The following NRXN1 variants were observed in gnomAD, a reference collection of about 807,000 sequenced individuals.
The protein encoded by NRXN1 is neurexin 1, also known as neurexin-1.
Under a neutral mutation model 150.9 loss-of-function variants are expected in NRXN1, and 39 were observed. The observed-to-expected ratio is 0.26, with a 90% CI of 0.20 to 0.34. NRXN1 has a LOEUF of 0.34. NRXN1 is among the 10% of genes least tolerant of loss of function. The probability of loss-of-function intolerance (pLI) is 1.00; values close to 1 mark genes in which losing one functional copy is unlikely to be tolerated. For synonymous variants in NRXN1, 924 were observed against 757.0 expected (o/e 1.22, Z -3.62); for missense variants, 1,815 against 1,949.9 (o/e 0.93, Z 1.30).
chr2:50,980,261 A>G (rs1438150243), intron 2 of NRXN1, among the ~76,000 whole-genome samples: 1 of 152,022 alleles, frequency 6.6e-6, no homozygotes, highest in Non-Finnish European at 1.5e-5. Context: ...ACCCCACTAC[A>G]TGTGCCTGAA....
At chr2:50,309,256 T>C (rs1372286330) in intron 17 of NRXN1, among the ~76,000 whole-genome samples, 1 of 152,166 alleles carries the variant, frequency 6.6e-6, no homozygotes, top group Non-Finnish European at 1.5e-5. Flanking sequence ...GATTCCAAAT[T>C]GAAAAATACA....
At chr2:50,392,189 T>G (rs1426768574) in intron 17 of NRXN1, among the ~76,000 whole-genome samples, 1 of 152,120 alleles carries the variant, frequency 6.6e-6, no homozygotes, top group African/African-American at 2.4e-5. Flanking sequence ...ACTTATTTAA[T>G]AATACCAGAA....
At chr2:50,098,710 A>G (rs1020709917) in intron 18 of NRXN1, among the ~76,000 whole-genome samples, 10 of 152,264 alleles carry the variant, frequency 6.6e-5, no homozygotes, top group Non-Finnish European at 1.3e-4. Context: ...GGGGCATTCT[A>G]AAACTGAATA....
intron 21 of NRXN1, among the ~76,000 whole-genome samples, chr2:50,017,660 CTTTTTT>C (rs143759409): frequency 1.4e-5 from 2 of 138,480 alleles, no homozygotes. Context: ...AAAACACAGC[CTTTTTT>C]TTTTTTTTTT....
intron 18 of NRXN1, among the ~76,000 whole-genome samples, chr2:50,224,852 CTCATCAAG>C (rs2064224115): frequency 6.6e-6 from 1 of 151,806 alleles, no homozygotes; most frequent in African/African-American, 2.4e-5. Flanking sequence ...TTCTTCTCTT[CTCATCAAG>C]TCAGGATGCA....
At chr2:50,154,912 T>A (rs992886491) in intron 18 of NRXN1, among the ~76,000 whole-genome samples, 2 of 151,566 alleles carry the variant, frequency 1.3e-5, no homozygotes, top group Non-Finnish European at 3.0e-5. Flanking sequence ...TGTATTAAAA[T>A]TATTAAGATC....
chr2:50,560,176 A>G (rs1668842626), intron 8 of NRXN1, among the ~76,000 whole-genome samples: 1 of 152,216 alleles, frequency 6.6e-6, no homozygotes, highest in South Asian at 2.1e-4. Flanking sequence ...AAGGTCTAGC[A>G]TAGGACATGA....
chr2:50,540,010 C>T (rs377186452), intron 9 of NRXN1, among the ~76,000 whole-genome samples: 1 of 152,276 alleles, frequency 6.6e-6, no homozygotes, highest in South Asian at 2.1e-4. Context: ...TATTCCAAAT[C>T]CCAGCAGAAG....
chr2:50,892,129 G>C (rs1450823301), intron 5 of NRXN1, among the ~76,000 whole-genome samples: 1 of 152,098 alleles, frequency 6.6e-6, no homozygotes, highest in Non-Finnish European at 1.5e-5. Flanking sequence ...ACTTCTTTGA[G>C]AAGGTGACAT....
chr2:50,110,873 G>C (rs1036383646), intron 18 of NRXN1, among the ~76,000 whole-genome samples: 1 of 152,210 alleles, frequency 6.6e-6, no homozygotes, highest in East Asian at 1.9e-4. Context: ...GAAAGTTTAA[G>C]AGAATGCCCA....
Position 50,431,610 on chromosome 2 carries a change from C to T in NRXN1, c.3364+33832G>A, listed in dbSNP as rs556025607. ...AAACCAAAAGAATATTAACATTTGA[C>T]ATCATGTAAAAGTATTATAAAATGA... On this transcript the variant is annotated intron_variant, in intron 17 of 22. Coordinates refer to ENST00000401669, the MANE Select transcript of NRXN1 (RefSeq NM_001330078.2). Among the ~76,000 whole-genome samples, 7 of 152,186 alleles carry T rather than the reference C, an allele frequency of 4.6e-5. No homozygotes were observed. The East Asian group carries it at 1.2e-3, about 25-fold the overall frequency.
At chr2:50,186,919 T>C (rs2061109877) in intron 18 of NRXN1, among the ~76,000 whole-genome samples, 2 of 152,118 alleles carry the variant, frequency 1.3e-5, no homozygotes, top group African/African-American at 4.8e-5. Flanking sequence ...CTTCCACAAT[T>C]GTTTATTTTG....
At chr2:51,010,253 G>A (rs1667636074) in intron 2 of NRXN1, among the ~76,000 whole-genome samples, 1 of 151,928 alleles carries the variant, frequency 6.6e-6, no homozygotes, top group Non-Finnish European at 1.5e-5. Flanking sequence ...ATTTAAATAT[G>A]TTTTTTCTTT....
chr2:50,543,343 G>T (rs2093428378), intron 9 of NRXN1, among the ~76,000 whole-genome samples: 1 of 152,016 alleles, frequency 6.6e-6, no homozygotes, highest in Admixed American at 6.6e-5. Context: ...AAATTATCTA[G>T]ATCAGGGTTT....
intron 17 of NRXN1, among the ~76,000 whole-genome samples, chr2:50,266,205 G>T (rs2068847880): frequency 6.7e-6 from 1 of 148,926 alleles, no homozygotes; most frequent in Non-Finnish European, 1.5e-5. Context: ...CACCATGTTG[G>T]CCGGGTTGGT....
chr2:50,219,994 A>AAG (rs2063751848), intron 18 of NRXN1, among the ~76,000 whole-genome samples: 1 of 31,682 alleles, frequency 3.2e-5, no homozygotes, highest in Non-Finnish European at 5.8e-5. Context: ...ATTATATATA[A>AAG]TATATATTAT....
intron 5 of NRXN1, among the ~76,000 whole-genome samples, chr2:50,828,899 G>C (rs1670951130): frequency 6.6e-6 from 1 of 152,202 alleles, no homozygotes; most frequent in Admixed American, 6.5e-5. Context: ...GGAGGTTGTA[G>C]CGAGCCAAGA....
At chr2:50,068,526 C>T (rs910458988) in intron 19 of NRXN1, among the ~76,000 whole-genome samples, 1 of 152,186 alleles carries the variant, frequency 6.6e-6, no homozygotes, top group Non-Finnish European at 1.5e-5. Context: ...AGGTTCAAAT[C>T]TTGGCTTCAA....
In NRXN1 at chr2:50,293,307, C is replaced by T. The variant is rs953483668; in HGVS notation, c.3365-56337G>A. Among the ~76,000 whole-genome samples, 11 of 152,156 alleles carry T rather than the reference C, an allele frequency of 7.2e-5. No individual in the cohort carries two copies. In the South Asian group the frequency reaches 1.9e-3, roughly 26 times the overall value. ...AACATGCCCATATAGTTATATACACCAGTGATAGTTCTCGGCCCAAAGTGC... is the reference window on the plus strand; with the variant it reads ...AACATGCCCATATAGTTATATACACTAGTGATAGTTCTCGGCCCAAAGTGC... On this transcript the variant is annotated intron_variant, in intron 17 of 22. Coordinates refer to ENST00000401669, the MANE Select transcript of NRXN1 (RefSeq NM_001330078.2).
Sources: gnomAD v4.1 joint callset for allele counts (sites outside exome capture counted in the v4.1 genomes callset) on GRCh38, gnomAD v4.1.1 for gene constraint, MANE v1.5 for transcripts, NCBI Gene and HGNC (gene_info 2026-07-23, HGNC 2026-07-21) for gene names.